AP3B1: variants seen among roughly 807,000 people sequenced by gnomAD.
AP3B1 encodes the protein AP-3 complex subunit beta-1.
In AP3B1, 61 loss-of-function variants were observed where a neutral mutation model predicts 132.5. The ratio of observed to expected loss-of-function variants is 0.46; its 90% CI spans 0.37 to 0.57. AP3B1 has a LOEUF of 0.57. Among genes scored for constraint, AP3B1 ranks in the 20% least tolerant of loss-of-function variants. AP3B1 has a pLI of 0.00. For synonymous variants in AP3B1, 388 were observed against 438.3 expected, an observed-to-expected ratio of 0.89 and a Z score of 1.43; for missense variants, 1,120 against 1,289.4, an observed-to-expected ratio of 0.87 and a Z score of 2.01.
chr5:78,058,561 T>A (rs1387454563), intron 22 of AP3B1, among the ~76,000 whole-genome samples: 1 of 152,188 alleles, frequency 6.6e-6, no homozygotes, highest in Non-Finnish European at 1.5e-5. Context: ...TTTTTAAATA[T>A]AAGTGTTAAA....
intron 7 of AP3B1, among the ~76,000 whole-genome samples, chr5:78,209,141 A>T (rs1025909248): frequency 1.3e-5 from 2 of 151,950 alleles, no homozygotes; most frequent in African/African-American, 4.8e-5. Flanking sequence ...CCCCACAACC[A>T]CCTGAAGGGA....
Position 78,119,259 on chromosome 5 carries a change from T to G in AP3B1, c.1969-3025A>C, listed in dbSNP as rs902706480. ...TGGGGAAAAAACAGAGCAGAGAAAC[T>G]GGAAACTCTAAAAAGCAGAGTGCCT... is the stretch of plus-strand genomic sequence containing the variant. On this transcript the variant is annotated intron_variant, in intron 17 of 26. Transcript: ENST00000255194. Among the ~76,000 whole-genome samples, 8 of 152,182 alleles carry G rather than the reference T, an allele frequency of 5.3e-5. No individual in the cohort carries two copies. The South Asian group carries it at 8.3e-4, about 16-fold the overall frequency.
At chr5:78,241,894 A>G (rs758631603) in intron 2 of AP3B1, among the ~76,000 whole-genome samples, 1 of 152,190 alleles carries the variant, frequency 6.6e-6, no homozygotes, top group Non-Finnish European at 1.5e-5. Flanking sequence ...TAGATACCAA[A>G]AACCACAAAA....
At chr5:78,261,756 G>GTT (rs1561207028) in intron 2 of AP3B1, among the ~76,000 whole-genome samples, 2 of 147,314 alleles carry the variant, frequency 1.4e-5, no homozygotes, top group Non-Finnish European at 3.0e-5. Context: ...ATGAGCCACC[G>GTT]GTTGTTGTTT....
At chr5:78,215,929 G>A (rs1745942015) in intron 7 of AP3B1, 126 bp downstream of exon 7, 14 of 846,738 alleles carry the variant, frequency 1.7e-5, no homozygotes, top group Non-Finnish European at 2.7e-5. Flanking sequence ...AAGAACAAGA[G>A]ACAAATGAGT....
intron 14 of AP3B1, 72 bp downstream of exon 14, chr5:78,156,186 C>T: frequency 9.2e-7 from 1 of 1,091,456 alleles, no homozygotes; most frequent in Non-Finnish European, 1.4e-6. Flanking sequence ...ACCCTTTAGG[C>T]TGACCATTTA....
intron 22 of AP3B1, chr5:78,089,127 G>A: frequency 2.6e-6 from 1 of 383,398 alleles, no homozygotes; most frequent in Non-Finnish European, 4.9e-6. Flanking sequence ...ATGTGGTGAA[G>A]AACCTTTGTA....
intron 22 of AP3B1, among the ~76,000 whole-genome samples, chr5:78,059,163 G>A (rs903134494): frequency 1.3e-4 from 20 of 152,256 alleles, no homozygotes; most frequent in African/African-American, 4.8e-4. Context: ...AGGAGATTCA[G>A]TGTCAGAGTG....
chr5:78,116,959 C>T (rs1751866179), intron 17 of AP3B1, among the ~76,000 whole-genome samples: 1 of 152,036 alleles, frequency 6.6e-6, no homozygotes, highest in South Asian at 2.1e-4. Context: ...AGCCGAAGTC[C>T]CTACAACAGT....
chr5:78,175,621 C>T lies in AP3B1; in HGVS notation c.1167+5G>A, dbSNP rs751562292. On this transcript the variant is annotated splice_donor_5th_base_variant and intron_variant, in intron 11 of 26. Coordinates refer to ENST00000255194, the MANE Select transcript of AP3B1 (RefSeq NM_003664.5). ...AAAGCCTCTGAAAAATGAAAGCATA[C>T]ATACCTTCAGTGTCTTGATCATAGT... 3.1e-6 allele frequency: 5 copies of T among 1,609,302 alleles called. No homozygotes were observed. The highest frequency in any genetic ancestry group is 3.4e-6 in the Non-Finnish European group (4 of 1,176,038).
intron 14 of AP3B1, among the ~76,000 whole-genome samples, chr5:78,145,824 G>C (rs938788857): frequency 2.0e-5 from 3 of 152,136 alleles, no homozygotes; most frequent in Admixed American, 1.3e-4. Flanking sequence ...TTTAAGGATA[G>C]GTAAGGTGGC....
At chr5:78,007,291 T>C (rs1746435111) in intron 26 of AP3B1, among the ~76,000 whole-genome samples, 1 of 152,248 alleles carries the variant, frequency 6.6e-6, no homozygotes, top group Non-Finnish European at 1.5e-5. Flanking sequence ...TTTGCTATAC[T>C]TAATGCAACA....
At chr5:78,217,010 A>G (rs1485992123) in intron 6 of AP3B1, among the ~76,000 whole-genome samples, 1 of 152,158 alleles carries the variant, frequency 6.6e-6, no homozygotes, top group Non-Finnish European at 1.5e-5. Context: ...TATATTATAC[A>G]AATACTTCTC....
chr5:78,272,982 C>T (rs1400475243), intron 1 of AP3B1, among the ~76,000 whole-genome samples: 1 of 107,924 alleles, frequency 9.3e-6, no homozygotes, highest in Non-Finnish European at 2.4e-5. Context: ...ACTAAACCTG[C>T]CATAGAAAAT....
chr5:78,044,070 GT>G, intron 22 of AP3B1: 1 of 306,574 alleles, frequency 3.3e-6, no homozygotes, highest in Non-Finnish European at 6.4e-6. Context: ...AGAGACATGA[GT>G]TGGGCAATAT....
chr5:78,063,558 C>T (rs180970877), intron 22 of AP3B1, among the ~76,000 whole-genome samples: 231 of 152,326 alleles, frequency 1.5e-3, no homozygotes, highest in African/African-American at 5.3e-3. Flanking sequence ...TAAGTGCCTA[C>T]ATCTTCTTTT....
intron 1 of AP3B1, among the ~76,000 whole-genome samples, chr5:78,281,452 A>AC (rs1306398512): frequency 6.6e-6 from 1 of 151,850 alleles, no homozygotes; most frequent in African/African-American, 2.4e-5. Flanking sequence ...AAAAAAAAAA[A>AC]AAAAACAGTT....
intron 1 of AP3B1, among the ~76,000 whole-genome samples, chr5:78,282,656 T>C (rs1339181940): frequency 1.3e-5 from 2 of 152,104 alleles, no homozygotes; most frequent in Non-Finnish European, 2.9e-5. Context: ...CATAAAGCAA[T>C]GGTTAATGTT....
intron 7 of AP3B1, among the ~76,000 whole-genome samples, chr5:78,194,912 A>C (rs1745016366): frequency 6.6e-6 from 1 of 152,222 alleles, no homozygotes; most frequent in Admixed American, 6.5e-5. Flanking sequence ...ATATGTGATA[A>C]AACTATTTCA....
Sources: gnomAD v4.1 joint callset for allele counts (sites outside exome capture counted in the v4.1 genomes callset) on GRCh38, gnomAD v4.1.1 for gene constraint, MANE v1.5 for transcripts, NCBI Gene and HGNC (gene_info 2026-07-23, HGNC 2026-07-21) for gene names.